GPHN: variants seen among roughly 807,000 people sequenced by gnomAD.
GPHN encodes the protein gephyrin.
In GPHN, 17 loss-of-function variants were observed where a neutral mutation model predicts 95.5. The observed-to-expected ratio is 0.18, with a 90% CI of 0.12 to 0.27. GPHN has a LOEUF of 0.27. GPHN is among the 10% of genes least tolerant of loss of function. The pLI is 1.00. For synonymous variants in GPHN, 320 were observed against 322.5 expected, an observed-to-expected ratio of 0.99 and a Z score of 0.08; for missense variants, 660 against 978.1, an observed-to-expected ratio of 0.67 and a Z score of 4.34.
the GPHN span, among the ~76,000 whole-genome samples, chr14:67,290,066 C>T: frequency 6.6e-6 from 1 of 152,124 alleles, no homozygotes; most frequent in African/African-American, 2.4e-5. Flanking sequence ...GCCACTGTGC[C>T]TGGCCTCCCT....
Position 67,148,758 on chromosome 14 carries a change from G to T in GPHN, c.1836+5309G>T, listed in dbSNP as rs1363601483. Among the ~76,000 whole-genome samples the T allele has an allele frequency of 2.6e-5, 4 of 151,472 alleles. No homozygotes were observed. The East Asian group carries it at 7.9e-4, about 30-fold the overall frequency. On this transcript the variant is annotated intron_variant, in intron 18 of 22. Transcript: ENST00000478722. Reference sequence around the variant, plus strand: ...TGTTTTTGTATTTTTAGTAGAGACAGGGTTTCACCATGTTAGCCAGGATGG... The same window carrying T: ...TGTTTTTGTATTTTTAGTAGAGACATGGTTTCACCATGTTAGCCAGGATGG...
chr14:66,612,119 C>T (rs2062808940), intron 1 of GPHN, among the ~76,000 whole-genome samples: 1 of 152,008 alleles, frequency 6.6e-6, no homozygotes, highest in African/African-American at 2.4e-5. Context: ...TTTTATTTCT[C>T]TGAAATGGCC....
At chr14:66,548,178 A>ATTTTTTTTT in intron 1 of GPHN, among the ~76,000 whole-genome samples, 1 of 116,138 alleles carries the variant, frequency 8.6e-6, no homozygotes, top group Non-Finnish European at 1.7e-5. Flanking sequence ...TACTATTGTA[A>ATTTTTTTTT]TTTTTTTTTT....
the GPHN span, among the ~76,000 whole-genome samples, chr14:67,370,053 C>T: frequency 5.3e-5 from 8 of 152,218 alleles, no homozygotes; most frequent in Non-Finnish European, 8.8e-5. Context: ...CTAAAAGTAT[C>T]CCTTATGGGA....
At chr14:67,500,117 TCAC>T in the GPHN span, among the ~76,000 whole-genome samples, 2 of 152,124 alleles carry the variant, frequency 1.3e-5, no homozygotes, top group Non-Finnish European at 2.9e-5. Context: ...TGAGCTATGA[TCAC>T]ACCACTGCAC....
At chr14:66,912,205 A>C (rs2065705875) in intron 5 of GPHN, among the ~76,000 whole-genome samples, 1 of 152,094 alleles carries the variant, frequency 6.6e-6, no homozygotes, top group South Asian at 2.1e-4. Context: ...TTTTTACCAC[A>C]CATATCAGGT....
the GPHN span, among the ~76,000 whole-genome samples, chr14:67,195,337 C>G: frequency 6.6e-6 from 1 of 152,266 alleles, no homozygotes; most frequent in South Asian, 2.1e-4. Context: ...CCTGAATCCA[C>G]AGCTACACCT....
the GPHN span, among the ~76,000 whole-genome samples, chr14:67,403,556 G>A: frequency 6.6e-6 from 1 of 152,174 alleles, no homozygotes; most frequent in South Asian, 2.1e-4. Context: ...AACCCCTTCT[G>A]TTCAAAGTCA....
chr14:67,485,164 G>A, the GPHN span, among the ~76,000 whole-genome samples: 6 of 152,242 alleles, frequency 3.9e-5, no homozygotes, highest in East Asian at 1.9e-4. Flanking sequence ...TGAACCAAAC[G>A]GTACAACAGC....
chr14:67,392,784 G>A, the GPHN span: 1 of 1,613,732 alleles, frequency 6.2e-7, no homozygotes, highest in Non-Finnish European at 8.5e-7. Flanking sequence ...ATGGAGGCCA[G>A]GGTCACCGCC....
chr14:67,574,023 T>C, the GPHN span: 1 of 728,992 alleles, frequency 1.4e-6, no homozygotes. The surrounding 1 kb of genome is among the most constrained non-coding windows in gnomAD (Gnocchi z 4.2). Context: ...TGATCCTAAC[T>C]TGTGAGTACA....
the GPHN span, among the ~76,000 whole-genome samples, chr14:67,415,894 G>T: frequency 6.6e-6 from 1 of 152,162 alleles, no homozygotes; most frequent in Non-Finnish European, 1.5e-5. Flanking sequence ...ACCAAACATC[G>T]CATGGTCTCA....
chr14:66,855,218 A>G (rs1454827480), intron 4 of GPHN, among the ~76,000 whole-genome samples: 1 of 152,088 alleles, frequency 6.6e-6, no homozygotes, highest in Non-Finnish European at 1.5e-5. Flanking sequence ...AATTATCACT[A>G]CTACCTGTTT....
chr14:67,320,061 T>G, the GPHN span, among the ~76,000 whole-genome samples: 1 of 152,234 alleles, frequency 6.6e-6, no homozygotes, highest in Admixed American at 6.5e-5. Context: ...TAAAAATTAA[T>G]AGAAGGAGTA....
intron 4 of GPHN, among the ~76,000 whole-genome samples, chr14:66,878,312 A>C (rs1567050923): frequency 1.3e-5 from 2 of 152,038 alleles, no homozygotes; most frequent in Admixed American, 6.6e-5. Flanking sequence ...ATGGGCAAAG[A>C]CTTCATGACT....
chr14:67,045,667 GTCTC>G (rs1306084194), intron 10 of GPHN, among the ~76,000 whole-genome samples: 1 of 141,796 alleles, frequency 7.1e-6, no homozygotes, highest in African/African-American at 2.7e-5. Context: ...CTCTCTCTCT[GTCTC>G]TCCCTCTCTT....
chr14:67,645,731 C>T, the GPHN span: 1 of 1,614,042 alleles, frequency 6.2e-7, no homozygotes, highest in Non-Finnish European at 8.5e-7. Context: ...CATCAACACA[C>T]CCCTTACCAC....
At chr14:67,572,344 C>G in the GPHN span, 6 of 1,366,024 alleles carry the variant, frequency 4.4e-6, no homozygotes, top group East Asian at 1.5e-4. Context: ...GGGCCCTCAG[C>G]ACAAGACATA....
intron 1 of GPHN, among the ~76,000 whole-genome samples, chr14:66,548,460 C>T (rs888122147): frequency 6.6e-6 from 1 of 152,146 alleles, no homozygotes; most frequent in African/African-American, 2.4e-5. Flanking sequence ...GGATTACAGG[C>T]GTGAGCCATT....
Sources: allele counts gnomAD v4.1 joint callset (sites outside exome capture counted in the v4.1 genomes callset), GRCh38; gene constraint gnomAD v4.1.1; non-coding constraint Gnocchi (gnomAD v3.1); transcripts MANE v1.5; gene names NCBI Gene and HGNC (gene_info 2026-07-23, HGNC 2026-07-21).